Variants in STXBP4 observed in about 807,000 individuals in gnomAD.
The protein encoded by STXBP4 is syntaxin-binding protein 4.
STXBP4 carries 55 observed loss-of-function variants against 76.1 expected under a neutral mutation model. The ratio of observed to expected loss-of-function variants is 0.72; its 90% CI spans 0.58 to 0.91. The LOEUF is 0.91. Among genes scored for constraint, STXBP4 ranks in the 40% least tolerant of loss-of-function variants. STXBP4 has a pLI of 0.00. For missense variants in STXBP4, 618 were observed against 636.9 expected (o/e 0.97, Z 0.32); for synonymous variants, 201 against 220.2 (o/e 0.91, Z 0.77).
intron 17 of STXBP4, among the ~76,000 whole-genome samples, chr17:55,152,203 A>G (rs1213355810): frequency 1.3e-5 from 2 of 152,152 alleles, no homozygotes; most frequent in East Asian, 3.8e-4. Context: ...CATGCATCAA[A>G]TATTTATGGA....
At chr17:55,085,789 T>G (rs2079318542) in intron 16 of STXBP4, among the ~76,000 whole-genome samples, 1 of 152,078 alleles carries the variant, frequency 6.6e-6, no homozygotes. Flanking sequence ...ACTATGCCAC[T>G]CATAGTGTCT....
At position 55,159,856 on chromosome 17, in the gene STXBP4, G is replaced by A. The variant is rs774093883; in HGVS notation, c.1607G>A (p.Arg536His). The A allele has an allele frequency of 1.4e-5, 22 of 1,613,970 alleles. No homozygotes were observed. The highest frequency in any genetic ancestry group is 1.1e-4 in the South Asian group (10 of 91,060). The change falls in exon 18 of 18, where the codon CGC becomes CAC. Residue 536 changes from arginine (R) to histidine (H), a missense_variant. By Grantham distance (29) the Arg-to-His change is conservative (BLOSUM62 0). Coordinates refer to ENST00000376352, the MANE Select transcript of STXBP4 (RefSeq NM_178509.6). ...HPVMSVLNLSRSEENEEDCSR... is the reference protein window; with the variant it reads ...HPVMSVLNLSHSEENEEDCSR... Reference sequence around the variant, plus strand: ...GTGATGAGTGTCCTGAATCTATCTCGCTCAGAGGAGAATGAAGAGGATTGC... The same window carrying A: ...GTGATGAGTGTCCTGAATCTATCTCACTCAGAGGAGAATGAAGAGGATTGC...
At chr17:55,013,890 G>A (rs886359380) in intron 8 of STXBP4, among the ~76,000 whole-genome samples, 17 of 152,108 alleles carry the variant, frequency 1.1e-4, no homozygotes, top group African/African-American at 4.1e-4. Flanking sequence ...AGGATGTACA[G>A]GGATGCAGAA....
intron 17 of STXBP4, among the ~76,000 whole-genome samples, chr17:55,155,704 A>G (rs574593563): frequency 2.6e-5 from 4 of 152,274 alleles, no homozygotes; most frequent in African/African-American, 9.6e-5. Context: ...CTACAGAACA[A>G]GTGCCCTTTT....
intron 17 of STXBP4, among the ~76,000 whole-genome samples, chr17:55,145,455 A>G (rs1036464724): frequency 3.8e-4 from 58 of 152,232 alleles, no homozygotes; most frequent in African/African-American, 1.4e-3. Context: ...CTGCCTTCCC[A>G]GAAATTGAAT....
At chr17:55,018,643 G>A (rs1355699801) in intron 8 of STXBP4, among the ~76,000 whole-genome samples, 1 of 152,226 alleles carries the variant, frequency 6.6e-6, no homozygotes, top group African/African-American at 2.4e-5. Flanking sequence ...TCAGCAAAGG[G>A]TGGTGGGATT....
chr17:55,022,709 A>G (rs1425172466), intron 8 of STXBP4, among the ~76,000 whole-genome samples: 2 of 152,252 alleles, frequency 1.3e-5, no homozygotes, highest in South Asian at 2.1e-4. Context: ...GTGCTAGGGA[A>G]AAACTTCTGA....
intron 8 of STXBP4, among the ~76,000 whole-genome samples, chr17:55,010,781 T>C (rs2078096353): frequency 6.6e-6 from 1 of 152,188 alleles, no homozygotes; most frequent in Non-Finnish European, 1.5e-5. Flanking sequence ...TAATGAAATA[T>C]TCTTTGTATT....
At chr17:54,996,437 A>G (rs1482251581) in intron 4 of STXBP4, among the ~76,000 whole-genome samples, 1 of 151,968 alleles carries the variant, frequency 6.6e-6, no homozygotes, top group Non-Finnish European at 1.5e-5. Flanking sequence ...AACTTTTCCT[A>G]CCAGTTGGCA....
intron 16 of STXBP4, among the ~76,000 whole-genome samples, chr17:55,088,819 G>A (rs900804115): frequency 7.9e-5 from 12 of 152,190 alleles, no homozygotes; most frequent in African/African-American, 2.6e-4. Context: ...TATGAACCCC[G>A]ACCTAGGACT....
intron 8 of STXBP4, among the ~76,000 whole-genome samples, chr17:55,014,518 C>T (rs982358340): frequency 1.1e-4 from 17 of 152,022 alleles, no homozygotes; most frequent in African/African-American, 3.1e-4. Flanking sequence ...GACAGTTGTC[C>T]GGGACAGGAG....
At chr17:55,185,097 C>G in the STXBP4 span, among the ~76,000 whole-genome samples, 1 of 152,176 alleles carries the variant, frequency 6.6e-6, no homozygotes, top group Non-Finnish European at 1.5e-5. Flanking sequence ...TCTAGAACTC[C>G]TGGGCTCAAA....
chr17:55,027,148 G>T (rs1430695514), intron 8 of STXBP4, among the ~76,000 whole-genome samples: 1 of 152,128 alleles, frequency 6.6e-6, no homozygotes, highest in African/African-American at 2.4e-5. Flanking sequence ...CTTCTACCTA[G>T]AACAGTACTG....
chr17:54,981,146 C>T (rs933148355), intron 1 of STXBP4, among the ~76,000 whole-genome samples: 2 of 140,950 alleles, frequency 1.4e-5, no homozygotes, highest in Non-Finnish European at 3.0e-5. Context: ...CTCAAAATAA[C>T]ATCATAGATA....
chr17:55,184,431 T>C, the STXBP4 span, among the ~76,000 whole-genome samples: 4 of 152,276 alleles, frequency 2.6e-5, no homozygotes, highest in East Asian at 1.9e-4. Flanking sequence ...ACAGGAGAAA[T>C]AGAACTTTCT....
chr17:55,057,310 G>GA (rs763797434), intron 12 of STXBP4, among the ~76,000 whole-genome samples: 22 of 152,138 alleles, frequency 1.4e-4, no homozygotes, highest in South Asian at 6.2e-4. Context: ...CATAGCATCA[G>GA]AAAATGTATT....
the STXBP4 span, among the ~76,000 whole-genome samples, chr17:55,206,019 C>T: frequency 6.6e-6 from 1 of 151,858 alleles, no homozygotes; most frequent in Non-Finnish European, 1.5e-5. Flanking sequence ...ATATTATATA[C>T]TTATTAAAAT....
chr17:55,206,925 G>A, the STXBP4 span, among the ~76,000 whole-genome samples: 1 of 151,512 alleles, frequency 6.6e-6, no homozygotes, highest in Non-Finnish European at 1.5e-5. Flanking sequence ...GCCAGTGCTG[G>A]CTGTGATAAT....
At chr17:55,146,074 A>G (rs2080149641) in intron 17 of STXBP4, among the ~76,000 whole-genome samples, 1 of 152,174 alleles carries the variant, frequency 6.6e-6, no homozygotes, top group African/African-American at 2.4e-5. Context: ...AAAAGTTCAC[A>G]TGCTTTATAC....
Sources: gnomAD v4.1 joint callset for allele counts (sites outside exome capture counted in the v4.1 genomes callset) on GRCh38, gnomAD v4.1.1 for gene constraint, MANE v1.5 for transcripts, NCBI Gene and HGNC (gene_info 2026-07-23, HGNC 2026-07-21) for gene names.